SLC25A40: variants seen among roughly 807,000 people sequenced by gnomAD.
The protein encoded by SLC25A40 is mitochondrial glutathione transporter SLC25A40.
SLC25A40 carries 41 observed loss-of-function variants against 46.5 expected under a neutral mutation model. The observed-to-expected ratio is 0.88, with a 90% CI of 0.69 to 1.14. SLC25A40 has a LOEUF of 1.14. Among genes scored for constraint, SLC25A40 ranks in the 50% most tolerant of loss-of-function variants. The pLI is 0.00. For missense variants in SLC25A40, 386 were observed against 393.6 expected (o/e 0.98, Z 0.16); for synonymous variants, 126 against 127.5 (o/e 0.99, Z 0.08).
chr7:87,868,291 T>C (rs746084255), intron 1 of SLC25A40, among the ~76,000 whole-genome samples: 1 of 152,228 alleles, frequency 6.6e-6, no homozygotes, highest in African/African-American at 2.4e-5. Flanking sequence ...TCTCAAACCG[T>C]GTTTTTCCTC....
At chr7:87,867,502 T>C (rs1459335087) in intron 1 of SLC25A40, among the ~76,000 whole-genome samples, 2 of 152,224 alleles carry the variant, frequency 1.3e-5, no homozygotes, top group African/African-American at 2.4e-5. Flanking sequence ...TTTTGTTTTA[T>C]CTTGGAGATC....
In SLC25A40 at chr7:87,858,665, G is replaced by A. The variant is rs759249636; in HGVS notation, c.63C>T (p.Ala21=). Residue 21 remains alanine (A), a synonymous_variant, in exon 3 of 12, where the codon GCC becomes GCT. Transcript: ENST00000341119. Reference sequence around the variant, plus strand: ...ATGTCAGTATAGCTCCAGTACATGAGGCAAGCATTTGTTGAAGAGGTGTCA... The same window carrying A: ...ATGTCAGTATAGCTCCAGTACATGAAGCAAGCATTTGTTGAAGAGGTGTCA... ...IKVTPLQQML[A]SCTGAILTSV... is the part of the protein sequence containing the mutation. 4 of 1,611,574 alleles carry A rather than the reference G, an allele frequency of 2.5e-6. No homozygotes were observed. In the South Asian group the frequency reaches 4.4e-5, roughly 18 times the overall value.
chr7:87,834,147 A>G lies in SLC25A40; in HGVS notation c.*2102T>C, dbSNP rs574226482. The stretch of plus-strand genomic sequence containing the variant: ...CAAATATTGCAATTCCTGCAACATC[A>G]TATGTATTGAAAAGTCTGGAAAGCC... On this transcript the variant is annotated 3_prime_UTR_variant, in exon 12 of 12. Transcript: ENST00000341119. The G allele has an allele frequency of 3.3e-5, 5 of 152,022 alleles. No homozygotes were observed. The highest frequency in any genetic ancestry group is 3.9e-4 in the East Asian group (2 of 5,180). The allele number at this position is 152,022 out of a possible 1,614,324, so 9.4% of individuals were successfully genotyped here.
chr7:87,858,624 A>T lies in SLC25A40; in HGVS notation c.97+7T>A. ...TTACATAATCTACATCAGTAACATA[A>T]TTTTACCTATTACTGATGTCAGTAT... On this transcript the variant is annotated splice_region_variant and intron_variant, in intron 3 of 11. Transcript: ENST00000341119. 2 of 1,483,466 alleles carry T rather than the reference A, an allele frequency of 1.3e-6. No individual in the cohort carries two copies. Among genetic ancestry groups the T allele is most frequent in the Non-Finnish European group, 9.4e-7 (1 of 1,061,378 alleles). 91.9% of individuals were successfully genotyped at this position (1,483,466 alleles called of 1,614,324 possible). A position where few individuals can be genotyped will look rare whatever the true frequency, so the allele number is the denominator to read the frequency against.
At chr7:87,872,733 T>G (rs59058733) in intron 1 of SLC25A40, among the ~76,000 whole-genome samples, 15,969 of 152,152 alleles carry the variant, frequency 0.1, 1,055 homozygotes, top group African/African-American at 0.19. Context: ...AGGTCGAGGC[T>G]GGCGGATCAT....
intron 6 of SLC25A40, 82 bp downstream of exon 6, chr7:87,849,799 G>T: frequency 9.9e-7 from 1 of 1,011,522 alleles, no homozygotes; most frequent in South Asian, 1.8e-5. Context: ...TATTAAAAAT[G>T]CAAGACTTTG....
At chr7:87,866,360 C>G (rs1011754482) in intron 1 of SLC25A40, among the ~76,000 whole-genome samples, 2 of 152,134 alleles carry the variant, frequency 1.3e-5, no homozygotes, top group African/African-American at 4.8e-5. Context: ...AAAATGTCAT[C>G]TAACTCCTTC....
intron 10 of SLC25A40, among the ~76,000 whole-genome samples, chr7:87,838,616 T>C (rs1838289267): frequency 6.6e-6 from 1 of 151,490 alleles, no homozygotes; most frequent in African/African-American, 2.4e-5. Flanking sequence ...CTCTATATAT[T>C]CCTCCCCAAT....
intron 1 of SLC25A40, among the ~76,000 whole-genome samples, chr7:87,862,126 C>T (rs1290237046): frequency 1.3e-5 from 2 of 152,140 alleles, no homozygotes; most frequent in Non-Finnish European, 2.9e-5. Context: ...TTCAACACTG[C>T]TTTAAACTCC....
intron 1 of SLC25A40, among the ~76,000 whole-genome samples, chr7:87,871,243 T>C (rs1397546941): frequency 6.6e-6 from 1 of 152,210 alleles, no homozygotes; most frequent in Non-Finnish European, 1.5e-5. Flanking sequence ...CAGGCTGCCA[T>C]GCTGTGAACT....
At chr7:87,845,492 C>A (rs1838401788) in intron 8 of SLC25A40, among the ~76,000 whole-genome samples, 5 of 152,088 alleles carry the variant, frequency 3.3e-5, no homozygotes, top group Admixed American at 3.3e-4. Context: ...AAATTTAATG[C>A]CTGGTGATCT....
chr7:87,854,653 A>G (rs976475772), intron 4 of SLC25A40, among the ~76,000 whole-genome samples: 1 of 151,730 alleles, frequency 6.6e-6, no homozygotes, highest in Non-Finnish European at 1.5e-5. Flanking sequence ...TCTACTAAAA[A>G]TACAAAAAAT....
At chr7:87,846,199 G>A (rs1838415974) in intron 8 of SLC25A40, among the ~76,000 whole-genome samples, 1 of 152,096 alleles carries the variant, frequency 6.6e-6, no homozygotes, top group Admixed American at 6.5e-5. Context: ...ATACATATGT[G>A]GGAAAATTAA....
In SLC25A40 at chr7:87,836,164, G is replaced by T; in HGVS notation, c.*85C>A. On this transcript the variant is annotated 3_prime_UTR_variant, in exon 12 of 12. Coordinates refer to ENST00000341119, the MANE Select transcript of SLC25A40 (RefSeq NM_018843.4). ...GGAAAGAAAGACATAAAATCATTGT[G>T]AGAGAATAATGGTGAAAAACATTCT... The T allele has an allele frequency of 1.4e-6, 1 of 723,284 alleles. No individual in the cohort carries two copies. Among genetic ancestry groups the T allele is most frequent in the South Asian group, 1.9e-5 (1 of 51,368 alleles). 44.8% of individuals were successfully genotyped at this position (723,284 alleles called of 1,614,324 possible).
rs374842791 is a variant in SLC25A40, at chr7:87,856,364, G to T, written c.98-13C>A. On this transcript the variant is annotated splice_polypyrimidine_tract_variant and intron_variant, in intron 3 of 11. Transcript: ENST00000341119. ...TCCAGGGGTGTCACTATGAAGATAT[G>T]TTAAGTTTCAATTAGCGAGTGGTAT... The T allele has an allele frequency of 1.1e-5, 18 of 1,610,120 alleles. No individual in the cohort carries two copies. The highest frequency in any genetic ancestry group is 1.4e-5 in the Non-Finnish European group (17 of 1,176,502).
Position 87,856,369 on chromosome 7 carries a change from G to A in SLC25A40, c.98-18C>T, listed in dbSNP as rs1838614449. On this transcript the variant is annotated intron_variant, in intron 3 of 11. Transcript: ENST00000341119. ...GGGTGTCACTATGAAGATATGTTAA[G>A]TTTCAATTAGCGAGTGGTATCTGTA... is the stretch of plus-strand genomic sequence containing the variant. 1.9e-6 allele frequency: 3 copies of A among 1,597,966 alleles called. No individual in the cohort carries two copies. Among genetic ancestry groups the A allele is most frequent in the Non-Finnish European group, 2.6e-6 (3 of 1,165,524 alleles).
chr7:87,851,862 T>TA (rs1471201678), intron 5 of SLC25A40, among the ~76,000 whole-genome samples: 1 of 152,120 alleles, frequency 6.6e-6, no homozygotes, highest in Non-Finnish European at 1.5e-5. Flanking sequence ...AATGGAATGC[T>TA]AAAAAATGTT....
Position 87,847,714 on chromosome 7 carries a change from A to G in SLC25A40, c.457+139T>C, listed in dbSNP as rs1838442568. 1.7e-5 allele frequency: 13 copies of G among 787,428 alleles called. No homozygotes were observed. The South Asian group carries it at 3.2e-4, about 20-fold the overall frequency. 48.8% of individuals were successfully genotyped at this position (787,428 alleles called of 1,614,324 possible). ...ATGACTTCTGGAGTACCTATACTAT[A>G]TTAACAAATTAATATAAACTATAAT... On this transcript the variant is annotated intron_variant, in intron 7 of 11. Coordinates refer to ENST00000341119, the MANE Select transcript of SLC25A40 (RefSeq NM_018843.4).
At chr7:87,861,823 T>A (rs1443951776) in intron 1 of SLC25A40, among the ~76,000 whole-genome samples, 1 of 152,172 alleles carries the variant, frequency 6.6e-6, no homozygotes, top group Admixed American at 6.6e-5. Flanking sequence ...AACTTTATTA[T>A]ATTTCTAGCC....
Sources: gnomAD v4.1 joint callset for allele counts (sites outside exome capture counted in the v4.1 genomes callset) on GRCh38, gnomAD v4.1.1 for gene constraint, MANE v1.5 for transcripts, NCBI Gene and HGNC (gene_info 2026-07-23, HGNC 2026-07-21) for gene names.